CNTNAP5: variants seen among roughly 807,000 people sequenced by gnomAD.
CNTNAP5 encodes the protein contactin associated protein family member 5.
Under a neutral mutation model 150.2 loss-of-function variants are expected in CNTNAP5, and 72 were observed. The ratio of observed to expected loss-of-function variants is 0.48; its 90% CI spans 0.40 to 0.58. The LOEUF is 0.58. Ranked by LOEUF, CNTNAP5 falls within the 20% of genes least tolerant of loss-of-function variation. CNTNAP5 has a pLI of 0.00. For missense variants in CNTNAP5, 1,636 were observed against 1,626.2 expected, an observed-to-expected ratio of 1.01 and a Z score of -0.10; for synonymous variants, 672 against 619.8, an observed-to-expected ratio of 1.08 and a Z score of -1.25.
At chr2:124,858,407 A>G (rs1004675342) in intron 19 of CNTNAP5, among the ~76,000 whole-genome samples, 8 of 152,194 alleles carry the variant, frequency 5.3e-5, no homozygotes, top group African/African-American at 1.7e-4. Context: ...CTTATACACC[A>G]ATAACAGACA....
At chr2:124,554,172 G>T (rs975159955) in intron 10 of CNTNAP5, among the ~76,000 whole-genome samples, 2 of 151,814 alleles carry the variant, frequency 1.3e-5, no homozygotes, top group African/African-American at 4.8e-5. Context: ...AAGTCTAAGG[G>T]ACCTTTGGAA....
At chr2:124,486,972 C>T (rs183390021) in intron 7 of CNTNAP5, among the ~76,000 whole-genome samples, 1 of 152,278 alleles carries the variant, frequency 6.6e-6, no homozygotes, top group African/African-American at 2.4e-5. Context: ...TCATATTTAA[C>T]CTAAAAATTG....
chr2:124,210,777 T>A (rs1020968941), intron 1 of CNTNAP5, among the ~76,000 whole-genome samples: 1 of 152,194 alleles, frequency 6.6e-6, no homozygotes, highest in Admixed American at 6.5e-5. Context: ...CCTGTATAAG[T>A]GCAGAATTTC....
At chr2:124,213,857 A>G (rs759360882) in intron 1 of CNTNAP5, among the ~76,000 whole-genome samples, 1 of 152,206 alleles carries the variant, frequency 6.6e-6, no homozygotes, top group Non-Finnish European at 1.5e-5. Context: ...AGGGTATTTC[A>G]GAGCTGTTGA....
chr2:124,642,589 C>T (rs1227783014), intron 12 of CNTNAP5, among the ~76,000 whole-genome samples: 2 of 152,174 alleles, frequency 1.3e-5, no homozygotes, highest in Non-Finnish European at 2.9e-5. Flanking sequence ...CTCTAATAAC[C>T]TCTACCCATG....
chr2:124,357,861 G>T lies in CNTNAP5; in HGVS notation c.382-59582G>T, dbSNP rs867360294. Among the ~76,000 whole-genome samples the T allele has an allele frequency of 4.1e-4, 61 of 150,442 alleles. No homozygotes were observed. The Middle Eastern group carries it at 0.014, about 34-fold the overall frequency. On this transcript the variant is annotated intron_variant, in intron 3 of 23. Coordinates refer to ENST00000682447, the MANE Select transcript of CNTNAP5 (RefSeq NM_001367498.1). The stretch of plus-strand genomic sequence containing the variant: ...CTGTGAAGAAAGTCATTGGTAGCTT[G>T]ATGGGGATGGCATTGAATCTGTAAA...
At chr2:124,384,792 G>GCGTT (rs1418184856) in intron 3 of CNTNAP5, among the ~76,000 whole-genome samples, 2 of 152,118 alleles carry the variant, frequency 1.3e-5, no homozygotes, top group East Asian at 3.9e-4. Flanking sequence ...GATTTCCCCA[G>GCGTT]CGTTCTAACC....
chr2:124,550,842 G>C (rs994417234), intron 10 of CNTNAP5, among the ~76,000 whole-genome samples: 2 of 152,142 alleles, frequency 1.3e-5, no homozygotes, highest in Admixed American at 6.5e-5. Flanking sequence ...TTATTTTATA[G>C]TTTGGTGGTA....
chr2:124,764,588 C>T (rs1347623543), intron 16 of CNTNAP5, among the ~76,000 whole-genome samples: 1 of 152,134 alleles, frequency 6.6e-6, no homozygotes, highest in Non-Finnish European at 1.5e-5. Context: ...TGTGACTATC[C>T]AATCAGAATT....
intron 12 of CNTNAP5, among the ~76,000 whole-genome samples, chr2:124,625,193 AG>A (rs747123135): frequency 1.3e-5 from 2 of 152,186 alleles, no homozygotes; most frequent in Non-Finnish European, 2.9e-5. Flanking sequence ...TCCAGGAAGT[AG>A]CCTTGAAGGG....
At chr2:124,083,590 T>A (rs1296682753) in intron 1 of CNTNAP5, among the ~76,000 whole-genome samples, 3 of 152,166 alleles carry the variant, frequency 2.0e-5, no homozygotes, top group Non-Finnish European at 4.4e-5. Flanking sequence ...TGAATTGCTT[T>A]TGAGTTGTCA....
intron 13 of CNTNAP5, among the ~76,000 whole-genome samples, chr2:124,727,674 A>G (rs572892258): frequency 1.9e-4 from 29 of 152,168 alleles, no homozygotes; most frequent in Admixed American, 5.2e-4. Context: ...ATTTTCTGCA[A>G]CTTTACCGAA....
intron 13 of CNTNAP5, among the ~76,000 whole-genome samples, chr2:124,703,906 T>C (rs1042461744): frequency 1.3e-5 from 2 of 152,178 alleles, no homozygotes; most frequent in African/African-American, 4.8e-5. Flanking sequence ...CAGGACTAAA[T>C]GGGGTTTAAA....
At position 124,366,091 on chromosome 2, in the gene CNTNAP5, G is replaced by A. The variant is rs573495608; in HGVS notation, c.382-51352G>A. Among the ~76,000 whole-genome samples, 67 of 152,240 alleles carry A rather than the reference G, an allele frequency of 4.4e-4. No homozygotes were observed. In the South Asian group the frequency reaches 0.011, roughly 24 times the overall value. ...GTCTATACAGTGGGGACTAGCACAG[G>A]TAGGGTGAGACCACACATTCAAATC... On this transcript the variant is annotated intron_variant, in intron 3 of 23. Coordinates refer to ENST00000682447, the MANE Select transcript of CNTNAP5 (RefSeq NM_001367498.1).
intron 10 of CNTNAP5, 122 bp from the exon 11 acceptor site, chr2:124,563,095 G>T: frequency 1.5e-6 from 1 of 645,678 alleles, no homozygotes; most frequent in Non-Finnish European, 2.8e-6. Flanking sequence ...CCTTAGGTAT[G>T]GGAGTATAGC....
At chr2:124,380,250 T>C (rs1191232213) in intron 3 of CNTNAP5, among the ~76,000 whole-genome samples, 3 of 151,924 alleles carry the variant, frequency 2.0e-5, no homozygotes, top group Non-Finnish European at 1.5e-5. Context: ...TTAAAAGCCA[T>C]CTTATAGAAT....
At chr2:124,393,923 C>T (rs531507546) in intron 3 of CNTNAP5, among the ~76,000 whole-genome samples, 1 of 152,328 alleles carries the variant, frequency 6.6e-6, no homozygotes, top group Admixed American at 6.5e-5. Flanking sequence ...CAGCTTTAAG[C>T]TAGCGGTTTA....
chr2:124,502,039 G>A (rs1329597228), intron 7 of CNTNAP5, among the ~76,000 whole-genome samples: 2 of 152,156 alleles, frequency 1.3e-5, no homozygotes, highest in Non-Finnish European at 2.9e-5. Context: ...GGTGAGCGAG[G>A]GAGCTGTCCA....
intron 11 of CNTNAP5, among the ~76,000 whole-genome samples, chr2:124,600,252 T>C (rs1461226941): frequency 6.6e-6 from 1 of 152,146 alleles, no homozygotes; most frequent in African/African-American, 2.4e-5. Context: ...AGGAACTCTT[T>C]GTCGTTTACC....
Sources: allele counts gnomAD v4.1 joint callset (sites outside exome capture counted in the v4.1 genomes callset), GRCh38; gene constraint gnomAD v4.1.1; transcripts MANE v1.5; gene names NCBI Gene and HGNC (gene_info 2026-07-23, HGNC 2026-07-21).